Variants in RPTOR observed in about 807,000 individuals in gnomAD.
RPTOR encodes regulatory-associated protein of mTOR.
In RPTOR, 21 loss-of-function variants were observed where a neutral mutation model predicts 169.9. The observed-to-expected ratio is 0.12, with a 90% CI of 0.09 to 0.18. RPTOR has a LOEUF of 0.18. RPTOR is among the 10% of genes least tolerant of loss of function. The pLI, the probability that RPTOR is intolerant of heterozygous loss-of-function variation, is 1.00. For missense variants in RPTOR, 1,133 were observed against 1,855.9 expected (o/e 0.61, Z 7.16); for synonymous variants, 732 against 753.2 (o/e 0.97, Z 0.46).
intron 20 of RPTOR, among the ~76,000 whole-genome samples, chr17:80,905,327 C>T (rs562926964): frequency 2.0e-5 from 3 of 151,882 alleles, no homozygotes; most frequent in Admixed American, 1.3e-4. Flanking sequence ...TGGCGCATGC[C>T]GGTAATCCCA....
chr17:80,590,143 G>T (rs116103215), intron 1 of RPTOR, among the ~76,000 whole-genome samples: 1 of 152,398 alleles, frequency 6.6e-6, no homozygotes, highest in African/African-American at 2.4e-5. Flanking sequence ...ATGATCATAT[G>T]CTTTTTCTCC....
rs184776349 is a variant in RPTOR, at chr17:80,832,037, C to G, written c.1137-5885C>G. ...GCCAGAGATGAGGAAGATGTTGGTG[C>G]CTGGCTATAAGGGCTTGAGCCAGGT... is the stretch of plus-strand genomic sequence containing the variant. On this transcript the variant is annotated intron_variant, in intron 9 of 33. Coordinates refer to ENST00000306801, the MANE Select transcript of RPTOR (RefSeq NM_020761.3). Among the ~76,000 whole-genome samples the G allele has an allele frequency of 2.0e-4, 30 of 152,324 alleles. No homozygotes were observed. In the East Asian group the frequency reaches 5.4e-3, roughly 27 times the overall value.
At chr17:80,700,694 GTGA>G (rs2066086241) in intron 3 of RPTOR, among the ~76,000 whole-genome samples, 1 of 91,188 alleles carries the variant, frequency 1.1e-5, no homozygotes. Context: ...GGTGGTGATG[GTGA>G]TGGTGGTGGT....
At chr17:80,788,914 C>T (rs370297258) in intron 6 of RPTOR, among the ~76,000 whole-genome samples, 1 of 152,114 alleles carries the variant, frequency 6.6e-6, no homozygotes, top group Non-Finnish European at 1.5e-5. Flanking sequence ...TGAAAGAAAT[C>T]GTATAAAATG....
At position 80,562,932 on chromosome 17, in the gene RPTOR, C is replaced by T. The variant is rs951329450; in HGVS notation, c.162+17141C>T. Among the ~76,000 whole-genome samples the T allele has an allele frequency of 1.3e-5, 2 of 152,180 alleles. No homozygotes were observed. The highest frequency in any genetic ancestry group is 1.9e-4 in the East Asian group (1 of 5,196). On this transcript the variant is annotated intron_variant, in intron 1 of 33. Transcript: ENST00000306801. The surrounding 1 kb of genome is among the most constrained non-coding windows in gnomAD (Gnocchi z 4.4). Reference sequence around the variant, plus strand: ...GATTTAGTTTTCAGCTAGGTGTGACCGTCGCCTGCCTTGCTGCCGATGTCC... The same window carrying T: ...GATTTAGTTTTCAGCTAGGTGTGACTGTCGCCTGCCTTGCTGCCGATGTCC...
At chr17:80,737,747 TA>T (rs1264473448) in intron 5 of RPTOR, among the ~76,000 whole-genome samples, 11 of 152,118 alleles carry the variant, frequency 7.2e-5, no homozygotes, top group Non-Finnish European at 1.6e-4. Context: ...TCCCTGGTGT[TA>T]AGAAATGTGT....
At chr17:80,836,836 A>C (rs545931598) in intron 9 of RPTOR, among the ~76,000 whole-genome samples, 1 of 152,250 alleles carries the variant, frequency 6.6e-6, no homozygotes. Flanking sequence ...TACACCTGGG[A>C]ATCCCAGGAA....
In RPTOR at chr17:80,564,911, A is replaced by T. The variant is rs562884698; in HGVS notation, c.162+19120A>T. Among the ~76,000 whole-genome samples, 10 of 152,308 alleles carry T rather than the reference A, an allele frequency of 6.6e-5. No homozygotes were observed. The East Asian group carries it at 1.7e-3, about 26-fold the overall frequency. On this transcript the variant is annotated intron_variant, in intron 1 of 33. Coordinates refer to ENST00000306801, the MANE Select transcript of RPTOR (RefSeq NM_020761.3). ...TGGCCTCCATGTTCCCACAAAGGAC[A>T]TGATCTTATTTTTTTGTGTGGCTGC... is the stretch of plus-strand genomic sequence containing the variant.
intron 2 of RPTOR, among the ~76,000 whole-genome samples, chr17:80,638,094 G>C (rs1246733860): frequency 6.6e-6 from 1 of 152,268 alleles, no homozygotes; most frequent in Non-Finnish European, 1.5e-5. Context: ...TAGGATCCAT[G>C]CAGTAGAACA....
chr17:80,715,872 C>T (rs936109906), intron 4 of RPTOR, among the ~76,000 whole-genome samples: 1 of 152,106 alleles, frequency 6.6e-6, no homozygotes, highest in African/African-American at 2.4e-5. Flanking sequence ...CCAGTCTCAT[C>T]CAGGTCACTG....
At chr17:80,903,033 C>T (rs991682570) in intron 20 of RPTOR, among the ~76,000 whole-genome samples, 2 of 152,212 alleles carry the variant, frequency 1.3e-5, no homozygotes, top group East Asian at 3.8e-4. Context: ...CCAGTTTTCA[C>T]GACTCTGCTA....
rs184724586 is a variant in RPTOR, at chr17:80,730,713, G to A, written c.654+7G>A. On this transcript the variant is annotated splice_region_variant and intron_variant, in intron 5 of 33. Transcript: ENST00000306801. This position sits in a 1 kb window ranked among gnomAD's most constrained non-coding sequence, Gnocchi z 4.2. ...GCGGGAGCAGGAGCTGGAGGTGAGC[G>A]CTCTGGTGCTTGGAGAGCGGTGCTG... 3.2e-3 allele frequency: 5,198 copies of A among 1,600,854 alleles called. 13 individuals carry two copies. Among genetic ancestry groups the A allele is most frequent in the Non-Finnish European group, 3.7e-3 (4,280 of 1,172,372 alleles).
chr17:80,940,430 C>T (rs141529915), intron 24 of RPTOR, 66 bp from the exon 25 acceptor site: 3 of 1,378,900 alleles, frequency 2.2e-6, no homozygotes, highest in Non-Finnish European at 2.0e-6. Context: ...AACCCATACC[C>T]CATTGATACC....
intron 5 of RPTOR, among the ~76,000 whole-genome samples, chr17:80,736,842 C>T (rs2066437385): frequency 6.6e-6 from 1 of 152,214 alleles, no homozygotes; most frequent in African/African-American, 2.4e-5. Context: ...TGCAAATCTT[C>T]TCCACGGACT....
intron 14 of RPTOR, among the ~76,000 whole-genome samples, chr17:80,881,747 G>A (rs182820498): frequency 5.3e-5 from 8 of 152,194 alleles, no homozygotes; most frequent in Non-Finnish European, 7.3e-5. Flanking sequence ...CCTGAGCCCG[G>A]GGAAGTCAAG....
At chr17:80,879,518 C>T (rs984293495) in intron 13 of RPTOR, among the ~76,000 whole-genome samples, 1 of 151,902 alleles carries the variant, frequency 6.6e-6, no homozygotes, top group African/African-American at 2.4e-5. Flanking sequence ...CCCCTTCTTC[C>T]CTCACTGCCC....
intron 24 of RPTOR, among the ~76,000 whole-genome samples, chr17:80,939,295 G>A (rs1234637581): frequency 6.6e-6 from 1 of 152,186 alleles, no homozygotes; most frequent in Admixed American, 6.5e-5. Context: ...TTTGCCAAGT[G>A]TGGACCTCTC....
rs1306021993 is a variant in RPTOR, at chr17:80,615,242, C to G, written c.163-10449C>G. On this transcript the variant is annotated intron_variant, in intron 1 of 33. Coordinates refer to ENST00000306801, the MANE Select transcript of RPTOR (RefSeq NM_020761.3). The stretch of plus-strand genomic sequence containing the variant: ...AGACAGTGGAGGAGTCCTAGAAGAC[C>G]TGCCACCGCCTCCTGAAGAGCCAGG... Among the ~76,000 whole-genome samples, 3 of 152,164 alleles carry G rather than the reference C, an allele frequency of 2.0e-5. No homozygotes were observed. In the South Asian group the frequency reaches 6.2e-4, roughly 32 times the overall value.
chr17:80,834,253 G>A (rs368525223), intron 9 of RPTOR, among the ~76,000 whole-genome samples: 3 of 152,198 alleles, frequency 2.0e-5, no homozygotes, highest in African/African-American at 7.2e-5. Context: ...TGATAATCGG[G>A]TTCCAGCGCT....
Sources: allele counts gnomAD v4.1 joint callset (sites outside exome capture counted in the v4.1 genomes callset), GRCh38; gene constraint gnomAD v4.1.1; non-coding constraint Gnocchi (gnomAD v3.1); transcripts MANE v1.5; gene names NCBI Gene and HGNC (gene_info 2026-07-23, HGNC 2026-07-21).